PRPF31: variants seen among roughly 807,000 people sequenced by gnomAD.
The protein encoded by PRPF31 is U4/U6 small nuclear ribonucleoprotein Prp31.
PRPF31 carries 12 observed loss-of-function variants against 60.4 expected under a neutral mutation model. The ratio of observed to expected loss-of-function variants is 0.20; its 90% CI spans 0.13 to 0.32. PRPF31 has a LOEUF of 0.32. Ranked by LOEUF, PRPF31 falls within the 10% of genes least tolerant of loss-of-function variation. PRPF31 has a pLI of 1.00. For synonymous variants in PRPF31, 287 were observed against 287.9 expected, an observed-to-expected ratio of 1.00 and a Z score of 0.03; for missense variants, 431 against 687.1, an observed-to-expected ratio of 0.63 and a Z score of 4.17.
chr19:54,127,311 CCTCT>C (rs1181698040), intron 9 of PRPF31, among the ~76,000 whole-genome samples: 7 of 152,208 alleles, frequency 4.6e-5, no homozygotes, highest in African/African-American at 7.2e-5. Context: ...CGTGGCCCTC[CCTCT>C]GTCTGCGGAG....
intron 4 of PRPF31, 35 bp downstream of exon 4, chr19:54,121,978 G>T: frequency 6.3e-7 from 1 of 1,581,520 alleles, no homozygotes; most frequent in Non-Finnish European, 8.6e-7. Flanking sequence ...ACAGCCCCGT[G>T]TGACGTCCCT....
At position 54,122,339 on chromosome 19, in the gene PRPF31, G is replaced by T. The variant is rs1048067351; in HGVS notation, c.323-158G>T. 2.3e-4 allele frequency: 177 copies of T among 766,358 alleles called. 1 individual carries two copies. The East Asian group carries it at 3.6e-3, about 16-fold the overall frequency. 47.5% of individuals were successfully genotyped at this position (766,358 alleles called of 1,614,324 possible). On this transcript the variant is annotated intron_variant, in intron 4 of 13. Coordinates refer to ENST00000321030, the MANE Select transcript of PRPF31 (RefSeq NM_015629.4). Reference sequence around the variant, plus strand: ...CTAATTCCCCTGGTCACACCTAGCGGTAAGGACGGCTGAGAAAGGCTGTAT... The same window carrying T: ...CTAATTCCCCTGGTCACACCTAGCGTTAAGGACGGCTGAGAAAGGCTGTAT...
chr19:54,122,210 G>A (rs989460136), intron 4 of PRPF31: 11 of 623,376 alleles, frequency 1.8e-5, no homozygotes, highest in East Asian at 2.7e-5. Context: ...CTCACGGTGC[G>A]AGGTGACTGC....
intron 5 of PRPF31, chr19:54,123,186 T>G: frequency 1.7e-6 from 1 of 583,022 alleles, no homozygotes; most frequent in Non-Finnish European, 3.1e-6. Context: ...GGCCAGAGGC[T>G]TGTGAGGCCA....
At position 54,128,286 on chromosome 19, in the gene PRPF31, C is replaced by T; in HGVS notation, c.1074-19C>T. 1 of 518,016 alleles carries T rather than the reference C, an allele frequency of 1.9e-6. No homozygotes were observed. Among genetic ancestry groups the T allele is most frequent in the Non-Finnish European group, 3.6e-6 (1 of 276,914 alleles). The allele number at this position is 518,016 out of a possible 1,614,324, so 32.1% of individuals were successfully genotyped here. A position where few individuals can be genotyped will look rare whatever the true frequency, so the allele number is the denominator to read the frequency against. On this transcript the variant is annotated intron_variant, in intron 10 of 13. Transcript: ENST00000321030. ...CCTCCCAGCCGACTCCCTGGCGCCG[C>T]CCACCCACCCGTCCCCAGGTACCGC...
At chr19:54,122,174 T>C in intron 4 of PRPF31, 1 of 638,156 alleles carries the variant, frequency 1.6e-6, no homozygotes, top group Admixed American at 2.4e-5. Context: ...CCCCGGCTCT[T>C]TCCATCCTGT....
intron 11 of PRPF31, 129 bp downstream of exon 11, chr19:54,128,506 C>CT (rs1176036521): frequency 7.4e-6 from 7 of 940,578 alleles, no homozygotes; most frequent in Admixed American, 2.1e-5. Context: ...CCAGCCTCCC[C>CT]CCCCCCGGCC....
chr19:54,130,621 T>G (rs1467191384), intron 13 of PRPF31, among the ~76,000 whole-genome samples: 2 of 140,416 alleles, frequency 1.4e-5, no homozygotes, highest in Non-Finnish European at 3.1e-5. Flanking sequence ...CCAGACTCTG[T>G]CTCAAAAAAA....
At chr19:54,130,500 C>T (rs1249685505) in intron 13 of PRPF31, among the ~76,000 whole-genome samples, 2 of 152,198 alleles carry the variant, frequency 1.3e-5, no homozygotes, top group African/African-American at 4.8e-5. Flanking sequence ...TGGCGGGCGC[C>T]TGTAGTCCCA....
chr19:54,130,844 C>T (rs1166711121), intron 13 of PRPF31, among the ~76,000 whole-genome samples: 7 of 152,132 alleles, frequency 4.6e-5, no homozygotes, highest in African/African-American at 1.4e-4. Context: ...ACCATTAGAG[C>T]CCAATGACTG....
intron 13 of PRPF31, among the ~76,000 whole-genome samples, chr19:54,131,060 CAT>C (rs1227922438): frequency 6.6e-6 from 1 of 152,170 alleles, no homozygotes; most frequent in Non-Finnish European, 1.5e-5. Context: ...TGTCCTCAAG[CAT>C]TGGTTGTTTT....
In PRPF31 at chr19:54,125,495, C is replaced by CAAA. The variant is rs144173467; in HGVS notation, c.855+852_855+854dup. Among the ~76,000 whole-genome samples, 4 of 129,558 alleles carry CAAA rather than the reference C, an allele frequency of 3.1e-5. 1 individual carries two copies. The highest frequency in any genetic ancestry group is 2.5e-4 in the East Asian group (1 of 3,960). 85.0% of individuals were successfully genotyped at this position (129,558 alleles called of 152,430 possible). On this transcript the variant is annotated intron_variant, in intron 8 of 13. Transcript: ENST00000321030. ...TGGGTGACAGAGTGAGACTCTGTCT[C>CAAA]AAAAAAAAAAAAAAACAAGCAAGAC...
chr19:54,124,823 TC>T, intron 8 of PRPF31, 167 bp downstream of exon 8: 1 of 783,686 alleles, frequency 1.3e-6, no homozygotes, highest in Non-Finnish European at 2.1e-6. Flanking sequence ...GCAGACCAGC[TC>T]CAGCACCCAC....
rs760581700 is a variant in PRPF31, at chr19:54,124,590, G to C, written c.789G>C (p.Ser263=). The C allele has an allele frequency of 6.2e-7, 1 of 1,613,474 alleles. No homozygotes were observed. Among genetic ancestry groups the C allele is most frequent in the Non-Finnish European group, 8.5e-7 (1 of 1,179,980 alleles). Residue 263 remains serine (S), a synonymous_variant, in exon 8 of 14, where the codon TCG becomes TCC. Coordinates refer to ENST00000321030, the MANE Select transcript of PRPF31 (RefSeq NM_015629.4). ...GAQRKTLSGF[S]STSVLPHTGY... ...AGCGCAAGACGCTGTCGGGCTTCTC[G>C]TCTACCTCAGTGCTGCCCCACACCG...
Position 54,131,543 on chromosome 19 carries a change from C to A in PRPF31, c.*111C>A. On this transcript the variant is annotated 3_prime_UTR_variant, in exon 14 of 14. Coordinates refer to ENST00000321030, the MANE Select transcript of PRPF31 (RefSeq NM_015629.4). The stretch of plus-strand genomic sequence containing the variant: ...GGAGAACCTGCCCTGCCACTGGCCC[C>A]ATTGCTGGGACTGCCCAGGGAGGAG... 1 of 1,500,792 alleles carries A rather than the reference C, an allele frequency of 6.7e-7. No homozygotes were observed. Among genetic ancestry groups the A allele is most frequent in the South Asian group, 1.2e-5 (1 of 84,090 alleles). 93.0% of individuals were successfully genotyped at this position (1,500,792 alleles called of 1,614,324 possible). A position where few individuals can be genotyped will look rare whatever the true frequency, so the allele number is the denominator to read the frequency against.
chr19:54,120,230 C>G (rs2073753880), intron 3 of PRPF31: 1 of 152,256 alleles, frequency 6.6e-6, no homozygotes, highest in South Asian at 2.1e-4. Flanking sequence ...CAAGGAATTT[C>G]TCCCTCCAGA....
At chr19:54,123,205 C>T in intron 5 of PRPF31, 1 of 593,820 alleles carries the variant, frequency 1.7e-6, no homozygotes, top group South Asian at 2.0e-5. Flanking sequence ...CACAGTCTTT[C>T]CAGACGCCAC....
chr19:54,123,639 C>CGCACACACACATACACACAT, intron 6 of PRPF31, 79 bp downstream of exon 6: 2 of 1,597,484 alleles, frequency 1.3e-6, no homozygotes, highest in African/African-American at 1.3e-5. Flanking sequence ...GGTGTACACA[C>CGCACACACACATACACACAT]GCACACACAC....
chr19:54,123,598 G>T, intron 6 of PRPF31, 38 bp downstream of exon 6: 1 of 1,608,328 alleles, frequency 6.2e-7, no homozygotes, highest in Non-Finnish European at 8.5e-7. Flanking sequence ...GCCCTAATGG[G>T]ATTGGGGATT....
Sources: gnomAD v4.1 joint callset for allele counts (sites outside exome capture counted in the v4.1 genomes callset) on GRCh38, gnomAD v4.1.1 for gene constraint, MANE v1.5 for transcripts, NCBI Gene and HGNC (gene_info 2026-07-23, HGNC 2026-07-21) for gene names.